Variants in ADAMTS18 observed in about 807,000 individuals in gnomAD.
ADAMTS18 encodes A disintegrin and metalloproteinase with thrombospondin motifs 18.
In ADAMTS18, 157 loss-of-function variants were observed where a neutral mutation model predicts 165.9. The ratio of observed to expected loss-of-function variants is 0.95; its 90% CI spans 0.83 to 1.08. The LOEUF is 1.08. ADAMTS18 is among the 50% of genes least tolerant of loss of function. The pLI, the probability that ADAMTS18 is intolerant of heterozygous loss-of-function variation, is 0.00. For synonymous variants in ADAMTS18, 782 were observed against 578.2 expected (o/e 1.35, Z -5.06); for missense variants, 2,040 against 1,534.0 (o/e 1.33, Z -5.51).
At chr16:77,382,146 C>T (rs1234077827) in intron 3 of ADAMTS18, among the ~76,000 whole-genome samples, 1 of 152,194 alleles carries the variant, frequency 6.6e-6, no homozygotes, top group Non-Finnish European at 1.5e-5. Context: ...ATAAAAGATA[C>T]CATATCTTCC....
chr16:77,408,699 T>C (rs2057423101), intron 3 of ADAMTS18, among the ~76,000 whole-genome samples: 1 of 152,010 alleles, frequency 6.6e-6, no homozygotes. Context: ...GTCTGTGGAG[T>C]GAGACAATTT....
intron 11 of ADAMTS18, 111 bp downstream of exon 11, chr16:77,341,593 T>C: frequency 1.2e-6 from 1 of 858,964 alleles, no homozygotes; most frequent in Admixed American, 2.0e-5. Flanking sequence ...TGAAGAGAAG[T>C]CAGAGAATAT....
chr16:77,380,885 A>C (rs974350609), intron 3 of ADAMTS18, among the ~76,000 whole-genome samples: 1 of 151,886 alleles, frequency 6.6e-6, no homozygotes, highest in African/African-American at 2.4e-5. Flanking sequence ...ATTTTATTTT[A>C]TTTATTGAGA....
In ADAMTS18 at chr16:77,367,525, T is replaced by C. The variant is rs773928760; in HGVS notation, c.694A>G (p.Ile232Val). The C allele has an allele frequency of 6.2e-7, 1 of 1,614,246 alleles. No homozygotes were observed. Among genetic ancestry groups the C allele is most frequent in the Non-Finnish European group, 8.5e-7 (1 of 1,180,034 alleles). ...RNYPGYSPSH[I>V]PHASQSRETE... The stretch of plus-strand genomic sequence containing the variant: ...TCTCGACTCTGAGATGCATGGGGAA[T>C]GTGACTTGGGGAGTAACCAGGATAA... The change falls in exon 4 of 23, where the codon ATT becomes GTT. Residue 232 changes from isoleucine to valine, a missense_variant. Coordinates refer to ENST00000282849, the MANE Select transcript of ADAMTS18 (RefSeq NM_199355.4).
At chr16:77,360,915 G>A (rs1262551624) in intron 7 of ADAMTS18, among the ~76,000 whole-genome samples, 8 of 151,850 alleles carry the variant, frequency 5.3e-5, no homozygotes, top group Admixed American at 4.6e-4. Flanking sequence ...GGTGAAACCC[G>A]TCTCTACTAA....
chr16:77,293,622 C>T (rs991376106), intron 19 of ADAMTS18, among the ~76,000 whole-genome samples: 3 of 151,788 alleles, frequency 2.0e-5, no homozygotes, highest in Non-Finnish European at 4.4e-5. Flanking sequence ...AATTCCCTAA[C>T]GTATCAGTCT....
At chr16:77,351,550 A>C (rs1186403375) in intron 10 of ADAMTS18, among the ~76,000 whole-genome samples, 1 of 152,216 alleles carries the variant, frequency 6.6e-6, no homozygotes, top group Non-Finnish European at 1.5e-5. Flanking sequence ...TATACTTATT[A>C]CCAACTGTGC....
chr16:77,430,645 T>C (rs2057727443), intron 3 of ADAMTS18, among the ~76,000 whole-genome samples: 1 of 152,170 alleles, frequency 6.6e-6, no homozygotes, highest in Non-Finnish European at 1.5e-5. Context: ...GAGAAGAGTA[T>C]CATTTACACT....
At chr16:77,296,749 G>A (rs564130149) in intron 18 of ADAMTS18, among the ~76,000 whole-genome samples, 11 of 152,092 alleles carry the variant, frequency 7.2e-5, no homozygotes, top group Non-Finnish European at 1.5e-4. Flanking sequence ...GAATCCAGTA[G>A]GCAGAGGTGG....
rs1038708233 is a variant in ADAMTS18, at chr16:77,432,487, A to G, written c.179-876T>C. 1.4e-4 allele frequency: 21 copies of G among 152,226 alleles called. 1 individual carries two copies. The highest frequency in any genetic ancestry group is 9.2e-4 in the Admixed American group (14 of 15,286). The allele number at this position is 152,226 out of a possible 1,614,324, so 9.4% of individuals were successfully genotyped here. On this transcript the variant is annotated intron_variant, in intron 2 of 22. Coordinates refer to ENST00000282849, the MANE Select transcript of ADAMTS18 (RefSeq NM_199355.4). Reference sequence around the variant, plus strand: ...AGGAGGAGCTAAAATACAATTTGCTATTTGAAAAGCAAAGCCAGCACACTG... The same window carrying G: ...AGGAGGAGCTAAAATACAATTTGCTGTTTGAAAAGCAAAGCCAGCACACTG...
intron 3 of ADAMTS18, among the ~76,000 whole-genome samples, chr16:77,420,461 G>C (rs775325446): frequency 6.6e-6 from 1 of 152,110 alleles, no homozygotes; most frequent in Non-Finnish European, 1.5e-5. Flanking sequence ...AATTGTTCTG[G>C]GGTGAGACCT....
chr16:77,293,185 G>A lies in ADAMTS18; in HGVS notation c.3080C>T (p.Pro1027Leu), dbSNP rs1329944451. The part of the protein sequence containing the change: ...LCKGSAAETL[P>L]ESQCTSLPRP... Reference sequence around the variant, plus strand: ...GGGGAGACTGGTACACTGGCTCTCGGGGAGGGTTTCTGCGGCAGAGCCCTT... The same window carrying A: ...GGGGAGACTGGTACACTGGCTCTCGAGGAGGGTTTCTGCGGCAGAGCCCTT... Residue 1027 changes from proline (P) to leucine (L), a missense_variant, in exon 20 of 23, where the codon CCC becomes CTC. Pro to Leu is a moderately conservative substitution (Grantham distance 98, BLOSUM62 -3). Coordinates refer to ENST00000282849, the MANE Select transcript of ADAMTS18 (RefSeq NM_199355.4). 6.2e-7 allele frequency: 1 copy of A among 1,613,890 alleles called. No homozygotes were observed. The highest frequency in any genetic ancestry group is 8.5e-7 in the Non-Finnish European group (1 of 1,179,980).
intron 3 of ADAMTS18, among the ~76,000 whole-genome samples, chr16:77,377,613 G>A (rs1288126713): frequency 1.3e-5 from 2 of 152,178 alleles, no homozygotes; most frequent in Non-Finnish European, 2.9e-5. Flanking sequence ...TTCACAGATA[G>A]TACAAAGTAG....
At chr16:77,394,978 C>T (rs997983812) in intron 3 of ADAMTS18, among the ~76,000 whole-genome samples, 6 of 152,136 alleles carry the variant, frequency 3.9e-5, no homozygotes, top group African/African-American at 1.4e-4. Context: ...AGGCTCTCAA[C>T]ATGCAGAAAA....
intron 21 of ADAMTS18, chr16:77,290,990 A>C: frequency 4.0e-6 from 2 of 500,610 alleles, no homozygotes; most frequent in South Asian, 2.1e-5. Flanking sequence ...TTAGCAGTGT[A>C]TAACTGGCCT....
intron 5 of ADAMTS18, 83 bp from the exon 6 acceptor site, chr16:77,363,968 C>G: frequency 7.3e-7 from 1 of 1,373,984 alleles, no homozygotes; most frequent in Non-Finnish European, 1.0e-6. Context: ...GACTGAAGTA[C>G]GCAGGCTTTA....
Position 77,327,270 on chromosome 16 carries a change from G to C in ADAMTS18, c.1860-1232C>G, listed in dbSNP as rs547802989. ...TTTAGTAGTCATTTCTGAGATTTTT[G>C]TGCACCCCTCACCCGATCAGTGTAC... On this transcript the variant is annotated intron_variant, in intron 12 of 22. Coordinates refer to ENST00000282849, the MANE Select transcript of ADAMTS18 (RefSeq NM_199355.4). Among the ~76,000 whole-genome samples the C allele has an allele frequency of 1.3e-4, 20 of 151,978 alleles. 1 individual carries two copies. The South Asian group carries it at 4.0e-3, about 30-fold the overall frequency.
At chr16:77,370,707 G>A (rs1275297987) in intron 3 of ADAMTS18, among the ~76,000 whole-genome samples, 1 of 152,018 alleles carries the variant, frequency 6.6e-6, no homozygotes, top group Admixed American at 6.6e-5. Context: ...CAGAGATCAT[G>A]CCACTGCACT....
At chr16:77,300,454 G>A in intron 16 of ADAMTS18, 50 bp from the exon 17 acceptor site, 1 of 1,598,414 alleles carries the variant, frequency 6.3e-7, no homozygotes, top group Non-Finnish European at 8.6e-7. Flanking sequence ...GTCAGACCCT[G>A]GAATTCCAGA....
Sources: gnomAD v4.1 joint callset for allele counts (sites outside exome capture counted in the v4.1 genomes callset) on GRCh38, gnomAD v4.1.1 for gene constraint, MANE v1.5 for transcripts, NCBI Gene and HGNC (gene_info 2026-07-23, HGNC 2026-07-21) for gene names.